Variants in ATP2C2 observed in about 807,000 individuals in gnomAD.
ATP2C2 encodes calcium-transporting ATPase type 2C member 2.
A neutral mutation model predicts 110.8 loss-of-function variants in ATP2C2; 171 were observed. The ratio of observed to expected loss-of-function variants is 1.54; its 90% CI spans 1.36 to 1.75. The LOEUF (loss-of-function observed/expected upper bound fraction) is 1.75, where lower values mean the gene tolerates loss of function less well. Ranked by LOEUF, ATP2C2 falls within the 40% of genes most tolerant of loss-of-function variation. ATP2C2 has a pLI of 0.00. For missense variants in ATP2C2, 1,963 were observed against 1,235.0 expected (o/e 1.59, Z -8.84); for synonymous variants, 804 against 508.4 (o/e 1.58, Z -7.82).
intron 1 of ATP2C2, among the ~76,000 whole-genome samples, chr16:84,392,937 AT>A (rs1265928751): frequency 6.6e-6 from 1 of 151,950 alleles, no homozygotes; most frequent in Non-Finnish European, 1.5e-5. Context: ...AACTCAGGAG[AT>A]GTGTTTGGCT....
rs1336087769 is a variant in ATP2C2, at chr16:84,454,913, G to T, written c.2076G>T (p.Gly692=). The T allele has an allele frequency of 2.5e-6, 4 of 1,613,904 alleles. No individual in the cohort carries two copies. In the African/African-American group the frequency reaches 5.3e-5, roughly 22 times the overall value. The change falls in exon 21 of 27, where the codon GGG becomes GGT. Residue 692 remains glycine (G), a synonymous_variant. Transcript: ENST00000262429. The stretch of plus-strand genomic sequence containing the variant: ...CTGCAGACATTGGGATCGCCATGGG[G>T]CAGACAGGGACGGACGTCAGCAAAG... ...LKSADIGIAM[G]QTGTDVSKEA...
At position 84,461,541 on chromosome 16, in the gene ATP2C2, C is replaced by T. The variant is rs1202905228; in HGVS notation, c.2482-173C>T. 8.6e-5 allele frequency: 59 copies of T among 686,898 alleles called. 1 individual carries two copies. The East Asian group carries it at 1.4e-3, about 16-fold the overall frequency. 42.6% of individuals were successfully genotyped at this position (686,898 alleles called of 1,614,324 possible). ...CAAATCAGCATGTGCTGGGGAGACC[C>T]TGGGGTAGCAGCCACTGACCTCACA... On this transcript the variant is annotated intron_variant, in intron 24 of 26. Transcript: ENST00000262429.
intron 1 of ATP2C2, among the ~76,000 whole-genome samples, chr16:84,385,681 C>G (rs886825953): frequency 3.9e-5 from 6 of 152,208 alleles, no homozygotes; most frequent in African/African-American, 1.2e-4. Flanking sequence ...AGGAAACTTA[C>G]AGTCATGGCG....
intron 1 of ATP2C2, among the ~76,000 whole-genome samples, chr16:84,379,453 A>T (rs944764061): frequency 1.3e-5 from 2 of 152,194 alleles, no homozygotes; most frequent in East Asian, 3.8e-4. Context: ...GGCGTGAGCC[A>T]CTGTGCCTGG....
intron 20 of ATP2C2, among the ~76,000 whole-genome samples, chr16:84,454,129 C>G (rs1433398107): frequency 6.6e-6 from 1 of 151,858 alleles, no homozygotes. Context: ...TGGCTTTATT[C>G]CTTTTACTCA....
chr16:84,420,080 G>A (rs978156586), intron 7 of ATP2C2, among the ~76,000 whole-genome samples: 4 of 152,136 alleles, frequency 2.6e-5, no homozygotes, highest in Admixed American at 6.5e-5. Context: ...CCCAGCACAT[G>A]TGACTTAACC....
intron 23 of ATP2C2, chr16:84,459,847 G>C: frequency 2.4e-6 from 1 of 410,714 alleles, no homozygotes. Flanking sequence ...CGGAGTTTGT[G>C]TTTCATCCCT....
chr16:84,451,592 C>A (rs563137305), intron 17 of ATP2C2, among the ~76,000 whole-genome samples: 11 of 152,316 alleles, frequency 7.2e-5, no homozygotes, highest in African/African-American at 2.4e-4. Flanking sequence ...AATCCCAGCA[C>A]TTGGGGAGGC....
intron 1 of ATP2C2, among the ~76,000 whole-genome samples, chr16:84,391,517 C>G (rs1030392394): frequency 1.3e-5 from 2 of 152,222 alleles, no homozygotes; most frequent in African/African-American, 4.8e-5. Context: ...TGGGCCCTAA[C>G]CCAATGACTG....
At chr16:84,431,870 G>A (rs1908310495) in intron 11 of ATP2C2, among the ~76,000 whole-genome samples, 1 of 152,174 alleles carries the variant, frequency 6.6e-6, no homozygotes, top group East Asian at 1.9e-4. Flanking sequence ...GTGGGAGGTG[G>A]GAGCCCCAGC....
chr16:84,397,107 A>T (rs1905031175), intron 1 of ATP2C2, among the ~76,000 whole-genome samples: 2 of 151,808 alleles, frequency 1.3e-5, no homozygotes, highest in Admixed American at 6.6e-5. Context: ...CATCCTGGGT[A>T]TCAGGATGCT....
At chr16:84,405,062 C>G in intron 2 of ATP2C2, 66 bp from the exon 3 acceptor site, 1 of 1,334,236 alleles carries the variant, frequency 7.5e-7, no homozygotes. Context: ...GAGTGGGAGT[C>G]TGTACCCTGT....
intron 15 of ATP2C2, among the ~76,000 whole-genome samples, chr16:84,443,916 C>G (rs551291160): frequency 1.3e-5 from 2 of 152,262 alleles, no homozygotes; most frequent in East Asian, 3.9e-4. Context: ...GCTCAAATCC[C>G]AGCACTTTAA....
intron 7 of ATP2C2, among the ~76,000 whole-genome samples, chr16:84,417,033 C>G (rs1011096530): frequency 4.6e-5 from 7 of 152,176 alleles, no homozygotes; most frequent in African/African-American, 1.7e-4. Context: ...GGCCAATGAC[C>G]TGGGGTTGGG....
chr16:84,405,612 G>A (rs1442055417), intron 3 of ATP2C2, among the ~76,000 whole-genome samples: 1 of 152,102 alleles, frequency 6.6e-6, no homozygotes, highest in East Asian at 1.9e-4. Context: ...TAACAATATA[G>A]GATGCCCTGT....
intron 7 of ATP2C2, among the ~76,000 whole-genome samples, chr16:84,416,422 A>C (rs1906839490): frequency 6.6e-6 from 1 of 152,204 alleles, no homozygotes; most frequent in Non-Finnish European, 1.5e-5. Context: ...TGCCTGATTT[A>C]TTTACTGATG....
chr16:84,434,679 C>G (rs961832921), intron 11 of ATP2C2, among the ~76,000 whole-genome samples: 20 of 151,842 alleles, frequency 1.3e-4, no homozygotes, highest in Non-Finnish European at 2.5e-4. Context: ...CTACCACACC[C>G]GGCTAATTTT....
intron 6 of ATP2C2, 172 bp downstream of exon 6, chr16:84,410,937 C>T: frequency 1.5e-6 from 1 of 657,834 alleles, no homozygotes; most frequent in Non-Finnish European, 2.7e-6. Context: ...GCTGTGTGTC[C>T]TCGGGCATGT....
At chr16:84,368,948 C>G (rs189924179) in intron 1 of ATP2C2, among the ~76,000 whole-genome samples, 3 of 152,324 alleles carry the variant, frequency 2.0e-5, no homozygotes, top group Non-Finnish European at 4.4e-5. Flanking sequence ...AAACTGAGGC[C>G]GAGAGTGGTT....
Sources: gnomAD v4.1 joint callset for allele counts (sites outside exome capture counted in the v4.1 genomes callset) on GRCh38, gnomAD v4.1.1 for gene constraint, MANE v1.5 for transcripts, NCBI Gene and HGNC (gene_info 2026-07-23, HGNC 2026-07-21) for gene names.